DTD1: variants seen among roughly 807,000 people sequenced by gnomAD.
DTD1 encodes the protein D-tyrosyl-tRNA deacylase 1 homolog.
A neutral mutation model predicts 25.6 loss-of-function variants in DTD1; 13 were observed. The observed-to-expected ratio is 0.51, with a 90% CI of 0.33 to 0.81. The LOEUF is 0.81. Ranked by LOEUF, DTD1 falls within the 30% of genes least tolerant of loss-of-function variation. The pLI is 0.02. For missense variants in DTD1, 193 were observed against 266.4 expected, an observed-to-expected ratio of 0.72 and a Z score of 1.92; for synonymous variants, 110 against 103.6, an observed-to-expected ratio of 1.06 and a Z score of -0.37.
intron 3 of DTD1, among the ~76,000 whole-genome samples, chr20:18,618,717 A>ACACACACAC (rs1568647647): frequency 6.9e-6 from 1 of 144,184 alleles, no homozygotes. Context: ...ACACACATAT[A>ACACACACAC]ATTTTTTTTT....
intron 3 of DTD1, chr20:18,619,919 T>C (rs2060726381): frequency 6.6e-6 from 1 of 152,206 alleles, no homozygotes; most frequent in African/African-American, 2.4e-5. Context: ...TATCTTCTAG[T>C]AAATTCTTGT....
chr20:18,693,139 C>G (rs1022685674), intron 4 of DTD1, among the ~76,000 whole-genome samples: 2 of 152,002 alleles, frequency 1.3e-5, no homozygotes, highest in African/African-American at 4.8e-5. Flanking sequence ...GTGATCCACC[C>G]GCCTCGGCTT....
At chr20:18,687,134 C>G (rs6075394) in intron 4 of DTD1, among the ~76,000 whole-genome samples, 54,667 of 151,686 alleles carry the variant, frequency 0.36, 10,114 homozygotes, top group Non-Finnish European at 0.41. Flanking sequence ...TCCTAGTGGG[C>G]TGCATTTTTA....
At chr20:18,650,450 A>G (rs1207859634) in intron 4 of DTD1, among the ~76,000 whole-genome samples, 2 of 152,068 alleles carry the variant, frequency 1.3e-5, no homozygotes, top group Admixed American at 1.3e-4. Flanking sequence ...TCCATGATGA[A>G]ATCTGCCCTC....
At chr20:18,747,721 A>G (rs1229094906) in intron 5 of DTD1, among the ~76,000 whole-genome samples, 2 of 152,138 alleles carry the variant, frequency 1.3e-5, no homozygotes, top group African/African-American at 2.4e-5. Context: ...AACAGGTTCA[A>G]AACAACTTGG....
At chr20:18,723,562 T>A (rs1253925733) in intron 4 of DTD1, among the ~76,000 whole-genome samples, 1 of 152,232 alleles carries the variant, frequency 6.6e-6, no homozygotes, top group Non-Finnish European at 1.5e-5. Flanking sequence ...ATGATCATAT[T>A]CCAAGCAGGT....
intron 5 of DTD1, among the ~76,000 whole-genome samples, chr20:18,759,054 C>T (rs1299382408): frequency 6.6e-6 from 1 of 152,190 alleles, no homozygotes; most frequent in Non-Finnish European, 1.5e-5. Context: ...ACTAGGATTG[C>T]AACCCCTGCC....
At chr20:18,595,916 G>T in intron 2 of DTD1, 90 bp from the exon 3 acceptor site, 1 of 1,111,222 alleles carries the variant, frequency 9.0e-7, no homozygotes, top group South Asian at 1.3e-5. Flanking sequence ...GTCCTTATTT[G>T]ACCGGAAGCT....
In DTD1 at chr20:18,629,850, C is replaced by T. The variant is rs2060776822; in HGVS notation, c.477+1617C>T. On this transcript the variant is annotated intron_variant, in intron 4 of 5. Coordinates refer to ENST00000377452, the MANE Select transcript of DTD1 (RefSeq NM_080820.6). ...TGGCCAGAGCAGAAATAAGAGAAAG[C>T]AGGGGGATGTACTACACATTTTTAA... 1.3e-5 allele frequency among the ~76,000 whole-genome samples: 2 copies of T among 151,902 alleles called. 1 individual carries two copies. The highest frequency in any genetic ancestry group is 2.9e-5 in the Non-Finnish European group (2 of 67,952).
intron 4 of DTD1, among the ~76,000 whole-genome samples, chr20:18,741,825 C>T (rs1406952): frequency 0.47 from 71,582 of 151,048 alleles, 17,748 homozygotes; most frequent in East Asian, 0.6. Flanking sequence ...TGGGCTCAAG[C>T]GATCCTCCCG....
chr20:18,690,396 G>A (rs1187488026), intron 4 of DTD1, among the ~76,000 whole-genome samples: 1 of 152,076 alleles, frequency 6.6e-6, no homozygotes, highest in African/African-American at 2.4e-5. Context: ...TTGCATTTGG[G>A]GACCTAGCCA....
At chr20:18,718,592 ATAGAT>A (rs2061190793) in intron 4 of DTD1, among the ~76,000 whole-genome samples, 1 of 152,268 alleles carries the variant, frequency 6.6e-6, no homozygotes, top group Admixed American at 6.5e-5. Context: ...GCAATGCTAT[ATAGAT>A]TATATAAGGT....
At chr20:18,637,018 C>G (rs917643294) in intron 4 of DTD1, among the ~76,000 whole-genome samples, 4 of 152,116 alleles carry the variant, frequency 2.6e-5, no homozygotes, top group African/African-American at 7.2e-5. Context: ...TGTTTCTAAC[C>G]AGGTCTTTGT....
intron 4 of DTD1, among the ~76,000 whole-genome samples, chr20:18,740,292 G>C (rs1431326485): frequency 2.0e-5 from 3 of 151,864 alleles, no homozygotes; most frequent in Non-Finnish European, 4.4e-5. Context: ...TTTTGTGACT[G>C]TTGATATTCA....
At chr20:18,625,843 G>A (rs2060755314) in intron 3 of DTD1, among the ~76,000 whole-genome samples, 1 of 152,186 alleles carries the variant, frequency 6.6e-6, no homozygotes, top group East Asian at 1.9e-4. Context: ...GCCTTTAGGG[G>A]ATGTGCTTAG....
chr20:18,689,335 T>A (rs889365253), intron 4 of DTD1, among the ~76,000 whole-genome samples: 3 of 152,224 alleles, frequency 2.0e-5, no homozygotes, highest in Non-Finnish European at 4.4e-5. Flanking sequence ...ATATGGAGTT[T>A]GGTGATTTAA....
At chr20:18,736,363 C>G (rs1348844325) in intron 4 of DTD1, among the ~76,000 whole-genome samples, 1 of 152,200 alleles carries the variant, frequency 6.6e-6, no homozygotes, top group African/African-American at 2.4e-5. Context: ...AAGTGCTCAG[C>G]TCTCCAATTT....
intron 4 of DTD1, among the ~76,000 whole-genome samples, chr20:18,726,442 G>A (rs544565720): frequency 6.6e-6 from 1 of 152,230 alleles, no homozygotes; most frequent in South Asian, 2.1e-4. Context: ...AAGATGAGGG[G>A]GGTGTTTTTG....
intron 4 of DTD1, among the ~76,000 whole-genome samples, chr20:18,701,766 T>C (rs2061106156): frequency 1.3e-5 from 2 of 152,218 alleles, no homozygotes; most frequent in South Asian, 4.1e-4. Context: ...AACTGACACA[T>C]GAATGTTCTG....
Sources: gnomAD v4.1 joint callset for allele counts (sites outside exome capture counted in the v4.1 genomes callset) on GRCh38, gnomAD v4.1.1 for gene constraint, MANE v1.5 for transcripts, NCBI Gene and HGNC (gene_info 2026-07-23, HGNC 2026-07-21) for gene names.